The following PNLIPRP3 variants were observed in gnomAD, a reference collection of about 807,000 sequenced individuals.
PNLIPRP3 encodes pancreatic lipase-related protein 3.
In PNLIPRP3, 58 loss-of-function variants were observed where a neutral mutation model predicts 52.8. That is an observed-to-expected ratio of 1.10 (90% CI 0.89 to 1.37). PNLIPRP3 has a LOEUF of 1.37. Among genes scored for constraint, PNLIPRP3 ranks in the 40% most tolerant of loss-of-function variants. The pLI is 0.00. For synonymous variants in PNLIPRP3, 192 were observed against 185.0 expected (o/e 1.04, Z -0.31); for missense variants, 593 against 561.6 (o/e 1.06, Z -0.57).
rs909205457 is a variant in PNLIPRP3 at position 116,443,000 on chromosome 10, CTATTAAA to C, written c.205-52_205-46del. 3.7e-6 allele frequency: 5 copies of C among 1,368,476 alleles called. No individual in the cohort carries two copies. In the African/African-American group the frequency reaches 7.3e-5, roughly 20 times the overall value. The allele number at this position is 1,368,476 out of a possible 1,614,324, so 84.8% of individuals were successfully genotyped here. On this transcript the variant is annotated intron_variant, in intron 2 of 11. Coordinates refer to ENST00000369230, the MANE Select transcript of PNLIPRP3 (RefSeq NM_001011709.3). ...AGCAGCTTTAGAATAGGTCTACTAA[CTATTAAA>C]TAATTTTTAATTATTATTTTTCCTT...
intron 1 of PNLIPRP3, among the ~76,000 whole-genome samples, chr10:116,434,327 A>G (rs1343621688): frequency 2.0e-5 from 3 of 152,186 alleles, no homozygotes; most frequent in Non-Finnish European, 4.4e-5. Flanking sequence ...TACAGATATT[A>G]TTACAAATTC....
chr10:116,451,392 A>G (rs1325339140), intron 4 of PNLIPRP3, among the ~76,000 whole-genome samples: 2 of 152,230 alleles, frequency 1.3e-5, no homozygotes, highest in African/African-American at 2.4e-5. Flanking sequence ...TGGATATTTC[A>G]CCAAAATCAC....
intron 2 of PNLIPRP3, among the ~76,000 whole-genome samples, chr10:116,438,524 A>G (rs1845810004): frequency 6.6e-6 from 1 of 152,196 alleles, no homozygotes; most frequent in Non-Finnish European, 1.5e-5. Context: ...CTTTACTGAA[A>G]TCTGCCAGCT....
chr10:116,446,895 C>T (rs550705273), intron 4 of PNLIPRP3, among the ~76,000 whole-genome samples: 19 of 152,248 alleles, frequency 1.2e-4, no homozygotes, highest in African/African-American at 3.6e-4. Flanking sequence ...AAAAGTGGGA[C>T]GTCATATCCA....
chr10:116,476,570 T>A, intron 10 of PNLIPRP3, 82 bp from the exon 11 acceptor site: 1 of 1,065,638 alleles, frequency 9.4e-7, no homozygotes, highest in African/African-American at 1.7e-5. Context: ...TTCTCTTCCA[T>A]AGTGCATACA....
intron 5 of PNLIPRP3, among the ~76,000 whole-genome samples, chr10:116,457,707 C>T (rs1171915099): frequency 6.6e-6 from 1 of 152,136 alleles, no homozygotes; most frequent in Non-Finnish European, 1.5e-5. Flanking sequence ...CTCATGGGGC[C>T]TCACAGCCTC....
At position 116,450,914 on chromosome 10, in the gene PNLIPRP3, C is replaced by CTT. The variant is rs34138601; in HGVS notation, c.457-4801_457-4800dup. 6.3e-3 allele frequency among the ~76,000 whole-genome samples: 947 copies of CTT among 151,504 alleles called. 4 individuals carry two copies. The highest frequency in any genetic ancestry group is 7.1e-3 in the African/African-American group (292 of 41,292). ...TAATACCTATCAAAATTCCAGTGGC[C>CTT]TTTTTTTTAACAGAAATAGTAAAAA... On this transcript the variant is annotated intron_variant, in intron 4 of 11. Transcript: ENST00000369230.
intron 5 of PNLIPRP3, among the ~76,000 whole-genome samples, chr10:116,458,145 G>A (rs778703655): frequency 4.6e-5 from 7 of 152,052 alleles, no homozygotes; most frequent in Non-Finnish European, 8.8e-5. Context: ...ATATAGTTAG[G>A]GGGTTACTCA....
chr10:116,436,607 G>A, intron 1 of PNLIPRP3, 104 bp from the exon 2 acceptor site: 2 of 1,165,692 alleles, frequency 1.7e-6, no homozygotes. Context: ...AATCCAATAA[G>A]GGGTTAATTT....
chr10:116,461,228 T>C lies in PNLIPRP3; in HGVS notation c.746T>C (p.Met249Thr), dbSNP rs903518394. 5.0e-6 allele frequency: 8 copies of C among 1,613,886 alleles called. No homozygotes were observed. The highest frequency in any genetic ancestry group is 5.9e-6 in the Non-Finnish European group (7 of 1,179,762). ...TTTTACCCAAATGGAGGGAAGCACA[T>C]GCCAGGATGTGAAGACTTAATTACA... is the stretch of plus-strand genomic sequence containing the variant. ...LDFYPNGGKHMPGCEDLITPL... is the reference protein window; with the variant it reads ...LDFYPNGGKHTPGCEDLITPL... The change falls in exon 7 of 12, where the codon ATG becomes ACG. Residue 249 changes from methionine (M) to threonine (T), a missense_variant. Met to Thr is a moderately conservative substitution (Grantham distance 81). Coordinates refer to ENST00000369230, the MANE Select transcript of PNLIPRP3 (RefSeq NM_001011709.3).
rs58155228 is a variant in PNLIPRP3 at position 116,461,298 on chromosome 10, C to T, written c.808+8C>T. On this transcript the variant is annotated splice_region_variant and intron_variant, in intron 7 of 11. Transcript: ENST00000369230. ...TCAATGCTTACAAAAAAGGTAAATA[C>T]TTTCTAAACTATGAATGCTACTGAT... 4.6e-3 allele frequency: 7,450 copies of T among 1,609,978 alleles called. 245 individuals carry two copies. In the African/African-American group the frequency reaches 0.078, roughly 17 times the overall value.
intron 4 of PNLIPRP3, among the ~76,000 whole-genome samples, chr10:116,444,900 G>T (rs1306344520): frequency 6.6e-6 from 1 of 152,134 alleles, no homozygotes; most frequent in Admixed American, 6.5e-5. Context: ...CAAAAACAGG[G>T]TTCTGTGCCT....
chr10:116,464,913 G>A (rs1326458646), intron 7 of PNLIPRP3, among the ~76,000 whole-genome samples: 1 of 152,254 alleles, frequency 6.6e-6, no homozygotes, highest in Admixed American at 6.5e-5. Context: ...GCAGCTTCCT[G>A]ATGCGTGGGG....
intron 4 of PNLIPRP3, among the ~76,000 whole-genome samples, chr10:116,452,551 A>G: frequency 6.6e-6 from 1 of 152,082 alleles, no homozygotes; most frequent in East Asian, 1.9e-4. Context: ...CCAGATGTCT[A>G]AAAGGAAAGA....
At chr10:116,433,850 T>A (rs1326465400) in intron 1 of PNLIPRP3, among the ~76,000 whole-genome samples, 1 of 151,522 alleles carries the variant, frequency 6.6e-6, no homozygotes, top group Admixed American at 6.6e-5. Context: ...AAGGATAACA[T>A]GAGCAAGAAA....
At chr10:116,471,103 T>A (rs1846363942) in intron 9 of PNLIPRP3, among the ~76,000 whole-genome samples, 1 of 152,232 alleles carries the variant, frequency 6.6e-6, no homozygotes, top group Non-Finnish European at 1.5e-5. Flanking sequence ...CAAATAATCA[T>A]ATGAAGAATT....
At chr10:116,457,797 T>A (rs1401803396) in intron 5 of PNLIPRP3, among the ~76,000 whole-genome samples, 1 of 152,206 alleles carries the variant, frequency 6.6e-6, no homozygotes, top group African/African-American at 2.4e-5. Context: ...AGATTTTGTT[T>A]TTATTAAGTT....
At chr10:116,476,335 G>A (rs914526699) in intron 10 of PNLIPRP3, among the ~76,000 whole-genome samples, 3 of 152,168 alleles carry the variant, frequency 2.0e-5, no homozygotes. Context: ...TTGATTTCCT[G>A]GTGTCAGTAT....
At chr10:116,450,150 A>G (rs1846014007) in intron 4 of PNLIPRP3, among the ~76,000 whole-genome samples, 1 of 152,192 alleles carries the variant, frequency 6.6e-6, no homozygotes, top group Non-Finnish European at 1.5e-5. Context: ...AAAAGAAAAA[A>G]GCTCTCCATT....
Sources: gnomAD v4.1 joint callset for allele counts (sites outside exome capture counted in the v4.1 genomes callset) on GRCh38, gnomAD v4.1.1 for gene constraint, MANE v1.5 for transcripts, NCBI Gene and HGNC (gene_info 2026-07-23, HGNC 2026-07-21) for gene names.